DNALI1: variants seen among roughly 807,000 people sequenced by gnomAD.
DNALI1 encodes the protein axonemal dynein light intermediate polypeptide 1.
Under a neutral mutation model 33.9 loss-of-function variants are expected in DNALI1, and 31 were observed. The ratio of observed to expected loss-of-function variants is 0.91; its 90% CI spans 0.69 to 1.23. The LOEUF is 1.23. DNALI1 is among the 50% of genes most tolerant of loss of function. The pLI, the probability that DNALI1 is intolerant of heterozygous loss-of-function variation, is 0.00. For synonymous variants in DNALI1, 117 were observed against 129.2 expected (o/e 0.91, Z 0.64); for missense variants, 305 against 323.8 (o/e 0.94, Z 0.44).
Position 37,561,263 on chromosome 1 carries a change from G to A in DNALI1, c.398-294G>A. The A allele has an allele frequency of 2.9e-6, 1 of 349,508 alleles. No individual in the cohort carries two copies. The highest frequency in any genetic ancestry group is 2.0e-5 in the African/African-American group (1 of 49,008). The allele number at this position is 349,508 out of a possible 1,614,324, so 21.7% of individuals were successfully genotyped here. A position where few individuals can be genotyped will look rare whatever the true frequency, so the allele number is the denominator to read the frequency against. The stretch of plus-strand genomic sequence containing the variant: ...ACCAGTTTTTACCTAAGGCAGGAAG[G>A]GAGGGGACCCAGTGCTGTAAACAAA... On this transcript the variant is annotated intron_variant, in intron 3 of 5. Transcript: ENST00000652629. The surrounding 1 kb of genome is among the most constrained non-coding windows in gnomAD (Gnocchi z 4.6).
At chr1:37,558,237 C>T (rs1302083188) in intron 2 of DNALI1, 1 of 152,696 alleles carries the variant, frequency 6.5e-6, no homozygotes, top group Non-Finnish European at 1.5e-5. Flanking sequence ...TCCTTCGTCA[C>T]ATTCTTTTGG....
intron 2 of DNALI1, among the ~76,000 whole-genome samples, chr1:37,558,829 G>T (rs1231315279): frequency 6.6e-6 from 1 of 152,150 alleles, no homozygotes; most frequent in Non-Finnish European, 1.5e-5. Context: ...CTATTTTTAT[G>T]TAATAAGTTG....
At chr1:37,558,444 A>G (rs931271779) in intron 2 of DNALI1, among the ~76,000 whole-genome samples, 1 of 152,198 alleles carries the variant, frequency 6.6e-6, no homozygotes. Flanking sequence ...TCTCTGCCAG[A>G]AACTCTTTTG....
In DNALI1 at chr1:37,559,815, G is replaced by A. The variant is rs774062234; in HGVS notation, c.397+319G>A. On this transcript the variant is annotated intron_variant, in intron 3 of 5. Coordinates refer to ENST00000652629, the MANE Select transcript of DNALI1 (RefSeq NM_003462.5). The surrounding 1 kb of genome is among the most constrained non-coding windows in gnomAD (Gnocchi z 5.3). ...CCGGCACTCAGCATACGGAGGACCC[G>A]CACCGGCACTGGTCTCTGAGTTTCC... is the stretch of plus-strand genomic sequence containing the variant. 3.9e-5 allele frequency among the ~76,000 whole-genome samples: 6 copies of A among 152,196 alleles called. No individual in the cohort carries two copies. Among genetic ancestry groups the A allele is most frequent in the African/African-American group, 7.2e-5 (3 of 41,446 alleles).
chr1:37,557,718 A>T lies in DNALI1; in HGVS notation c.197A>T (p.Glu66Val), dbSNP rs771302872. ...PCVPDPTKQA[E>V]EILNAILPPR... ...GTCCCAGATCCTACAAAGCAGGCAGAAGAAATCTTGAATGCCATACTACCC... is the reference window on the plus strand; with the variant it reads ...GTCCCAGATCCTACAAAGCAGGCAGTAGAAATCTTGAATGCCATACTACCC... Residue 66 changes from glutamate (E) to valine (V), a missense_variant, in exon 2 of 6, where the codon GAA becomes GTA. Transcript: ENST00000652629. 3.1e-6 allele frequency: 5 copies of T among 1,613,810 alleles called. No individual in the cohort carries two copies. The highest frequency in any genetic ancestry group is 1.3e-5 in the African/African-American group (1 of 74,908).
At chr1:37,557,970 T>C in intron 2 of DNALI1, 2 of 577,100 alleles carry the variant, frequency 3.5e-6, no homozygotes, top group Non-Finnish European at 3.0e-6. Flanking sequence ...CTCATGGCTT[T>C]AGATACCACC....
rs2148121826 is a variant in DNALI1 at position 37,559,445 on chromosome 1, A to G, written c.346A>G (p.Arg116Gly). 2 of 1,613,438 alleles carry G rather than the reference A, an allele frequency of 1.2e-6. No homozygotes were observed. Among genetic ancestry groups the G allele is most frequent in the Non-Finnish European group, 1.7e-6 (2 of 1,179,904 alleles). Residue 116 changes from arginine (R) to glycine (G), a missense_variant, in exon 3 of 6, where the codon AGG becomes GGG. Transcript: ENST00000652629. This position sits in a 1 kb window ranked among gnomAD's most constrained non-coding sequence, Gnocchi z 5.3. ...CTTAAAGCTGCAGCAGCGGCAGGCC[A>G]GGGAAACAGGCATCTGCCCTGTCCG... ...LDLKLQQRQA[R>G]ETGICPVRRE... is the part of the protein sequence containing the mutation.
chr1:37,561,974 G>A lies in DNALI1; in HGVS notation c.577-107G>A. 6.6e-7 allele frequency: 1 copy of A among 1,523,572 alleles called. No individual in the cohort carries two copies. Among genetic ancestry groups the A allele is most frequent in the Non-Finnish European group, 8.9e-7 (1 of 1,121,708 alleles). 94.4% of individuals were successfully genotyped at this position (1,523,572 alleles called of 1,614,324 possible). A position where few individuals can be genotyped will look rare whatever the true frequency, so the allele number is the denominator to read the frequency against. ...GCCAGGCACTGACCTCCCACTGGGT[G>A]GCAGTATATACCCTGGCAATGTCAT... On this transcript the variant is annotated intron_variant, in intron 4 of 5. Coordinates refer to ENST00000652629, the MANE Select transcript of DNALI1 (RefSeq NM_003462.5). This position sits in a 1 kb window ranked among gnomAD's most constrained non-coding sequence, Gnocchi z 4.6.
At position 37,559,963 on chromosome 1, in the gene DNALI1, A is replaced by T. The variant is rs1311059556; in HGVS notation, c.397+467A>T. ...AGCAAAGGAATCTGTGTCACGAATAAGTTCAAGGGAAGGTACTATGCCTGG... is the reference window on the plus strand; with the variant it reads ...AGCAAAGGAATCTGTGTCACGAATATGTTCAAGGGAAGGTACTATGCCTGG... On this transcript the variant is annotated intron_variant, in intron 3 of 5. Coordinates refer to ENST00000652629, the MANE Select transcript of DNALI1 (RefSeq NM_003462.5). The surrounding 1 kb of genome is among the most constrained non-coding windows in gnomAD (Gnocchi z 5.3). Among the ~76,000 whole-genome samples the T allele has an allele frequency of 3.3e-5, 5 of 152,186 alleles. No homozygotes were observed. Among genetic ancestry groups the T allele is most frequent in the Non-Finnish European group, 7.3e-5 (5 of 68,036 alleles).
At chr1:37,563,928 T>C (rs1177002819) in intron 5 of DNALI1, among the ~76,000 whole-genome samples, 1 of 152,122 alleles carries the variant, frequency 6.6e-6, no homozygotes, top group African/African-American at 2.4e-5. Flanking sequence ...TGTCTTAAGC[T>C]TTACATAAAG....
intron 5 of DNALI1, among the ~76,000 whole-genome samples, chr1:37,564,149 C>G (rs1224786264): frequency 6.6e-6 from 1 of 151,882 alleles, no homozygotes; most frequent in Non-Finnish European, 1.5e-5. Context: ...AGGAGAATCA[C>G]TTGAACCCGG....
In DNALI1 at chr1:37,561,781, C is replaced by A; in HGVS notation, c.576+46C>A. On this transcript the variant is annotated intron_variant, in intron 4 of 5. Transcript: ENST00000652629. This position sits in a 1 kb window ranked among gnomAD's most constrained non-coding sequence, Gnocchi z 4.6. ...CCCTTGGTCCCATCTCTTCTGTAAA[C>A]CTCAGGGCCACATGCTTATCATTCC... The A allele has an allele frequency of 6.3e-7, 1 of 1,585,606 alleles. No individual in the cohort carries two copies. Among genetic ancestry groups the A allele is most frequent in the South Asian group, 1.1e-5 (1 of 88,102 alleles).
At position 37,557,061 on chromosome 1, in the gene DNALI1, A is replaced by G; in HGVS notation, c.67A>G (p.Lys23Glu). ...TPVLVSRNTE[K>E]RSPKARLLKV... ...AGTGCTGGTGAGCCGGAACACGGAG[A>G]AACGGAGCCCCAAGGTAAAGACGGG... Residue 23 changes from lysine (K) to glutamate (E), a missense_variant, in exon 1 of 6, where the codon AAA becomes GAA. By Grantham distance (56) the Lys-to-Glu change is moderately conservative. Coordinates refer to ENST00000652629, the MANE Select transcript of DNALI1 (RefSeq NM_003462.5). 6.2e-7 allele frequency: 1 copy of G among 1,614,216 alleles called. No homozygotes were observed. Among genetic ancestry groups the G allele is most frequent in the Non-Finnish European group, 8.5e-7 (1 of 1,180,036 alleles).
intron 1 of DNALI1, 111 bp from the exon 2 acceptor site, chr1:37,557,492 G>C: frequency 7.0e-7 from 1 of 1,432,466 alleles, no homozygotes; most frequent in East Asian, 2.3e-5. Context: ...CCCAAAGTAG[G>C]CTAGGAAGAG....
At position 37,562,102 on chromosome 1, in the gene DNALI1, AAG is replaced by A. The variant is rs1273582883; in HGVS notation, c.604_605del (p.Asp202ProfsTer13). 3.7e-6 allele frequency: 6 copies of A among 1,613,930 alleles called. No homozygotes were observed. The African/African-American group carries it at 6.7e-5, about 18-fold the overall frequency. ...ERKIAELETE[K>X]RDLERQVNEQ... The stretch of plus-strand genomic sequence containing the variant: ...TCAGATCGCAGAATTGGAGACGGAA[AAG>A]AGAGACCTGGAGAGGCAAGTGAACG... On this transcript the variant is annotated frameshift_variant, in exon 5 of 6. Coordinates refer to ENST00000652629, the MANE Select transcript of DNALI1 (RefSeq NM_003462.5). LOFTEE classifies it high-confidence loss of function. The surrounding 1 kb of genome is among the most constrained non-coding windows in gnomAD (Gnocchi z 5.8).
rs1643443114 is a variant in DNALI1 at position 37,561,812 on chromosome 1, T to G, written c.576+77T>G. 6.5e-7 allele frequency: 1 copy of G among 1,529,554 alleles called. No homozygotes were observed. 94.7% of individuals were successfully genotyped at this position (1,529,554 alleles called of 1,614,324 possible). A position where few individuals can be genotyped will look rare whatever the true frequency, so the allele number is the denominator to read the frequency against. ...GGCCACATGCTTATCATTCCAGCAC[T>G]ACATTCTGACCTCCTAAGGTGCTCT... On this transcript the variant is annotated intron_variant, in intron 4 of 5. Transcript: ENST00000652629. This position sits in a 1 kb window ranked among gnomAD's most constrained non-coding sequence, Gnocchi z 4.6.
rs181978075 is a variant in DNALI1, at chr1:37,557,084, G to T, written c.81+9G>T. 1.5e-5 allele frequency: 24 copies of T among 1,614,130 alleles called. No homozygotes were observed. In the Admixed American group the frequency reaches 4.0e-4, roughly 27 times the overall value. On this transcript the variant is annotated intron_variant, in intron 1 of 5. Coordinates refer to ENST00000652629, the MANE Select transcript of DNALI1 (RefSeq NM_003462.5). ...AGAAACGGAGCCCCAAGGTAAAGAC[G>T]GGGGCTCGGGAGACAAAGGAGCCTC...
At chr1:37,557,450 C>T (rs1380177630) in intron 1 of DNALI1, among the ~76,000 whole-genome samples, 153 bp from the exon 2 acceptor site, 1 of 152,186 alleles carries the variant, frequency 6.6e-6, no homozygotes, top group Non-Finnish European at 1.5e-5. Flanking sequence ...CCTCCTTCAG[C>T]TCTGTGACAT....
rs140924154 is a variant in DNALI1, at chr1:37,564,333, T to G, written c.742-693T>G. 9.4e-3 allele frequency among the ~76,000 whole-genome samples: 1,422 copies of G among 151,222 alleles called. 12 individuals carry two copies. Among genetic ancestry groups the G allele is most frequent in the South Asian group, 0.027 (130 of 4,748 alleles). On this transcript the variant is annotated intron_variant, in intron 5 of 5. Coordinates refer to ENST00000652629, the MANE Select transcript of DNALI1 (RefSeq NM_003462.5). ...TCTCAGTGGCTGAAAATTCACTGTT[T>G]CCCAAACCTCTGGTCCCAGCAGAAC...
Sources: allele counts gnomAD v4.1 joint callset (sites outside exome capture counted in the v4.1 genomes callset), GRCh38; gene constraint gnomAD v4.1.1; non-coding constraint Gnocchi (gnomAD v3.1); transcripts MANE v1.5; gene names NCBI Gene and HGNC (gene_info 2026-07-23, HGNC 2026-07-21).